Variants in ILRUN observed in about 807,000 individuals in gnomAD.
ILRUN encodes protein ILRUN.
A neutral mutation model predicts 33.8 loss-of-function variants in ILRUN; 3 were observed. The ratio of observed to expected loss-of-function variants is 0.09; its 90% CI spans 0.04 to 0.23. The LOEUF (loss-of-function observed/expected upper bound fraction) is 0.23, where lower values mean the gene tolerates loss of function less well. Ranked by LOEUF, ILRUN falls within the 10% of genes least tolerant of loss-of-function variation. The probability of loss-of-function intolerance (pLI) is 1.00; values close to 1 mark genes in which losing one functional copy is unlikely to be tolerated. For missense variants in ILRUN, 210 were observed against 375.1 expected, an observed-to-expected ratio of 0.56 and a Z score of 3.64; for synonymous variants, 124 against 138.9, an observed-to-expected ratio of 0.89 and a Z score of 0.75.
chr6:34,601,705 G>GC (rs774296206), intron 4 of ILRUN, among the ~76,000 whole-genome samples: 3 of 119,272 alleles, frequency 2.5e-5, no homozygotes, highest in African/African-American at 7.7e-5. Flanking sequence ...TCCAGTACCC[G>GC]CCCCCCCAAC....
chr6:34,604,983 T>C (rs898295572), intron 4 of ILRUN, among the ~76,000 whole-genome samples: 1 of 152,226 alleles, frequency 6.6e-6, no homozygotes, highest in Admixed American at 6.5e-5. Flanking sequence ...CCAGGTTTCT[T>C]AATTTGTCTC....
chr6:34,683,423 TATATAC>T (rs1360599194), intron 1 of ILRUN, among the ~76,000 whole-genome samples: 5 of 67,128 alleles, frequency 7.4e-5, no homozygotes, highest in African/African-American at 3.4e-4. Context: ...TATATACATA[TATATAC>T]ATATATATAT....
chr6:34,687,356 T>A (rs938558137), intron 1 of ILRUN, among the ~76,000 whole-genome samples: 1 of 152,086 alleles, frequency 6.6e-6, no homozygotes, highest in Non-Finnish European at 1.5e-5. Context: ...ATCAAAATCA[T>A]AATAAGGTAC....
chr6:34,677,234 G>C (rs1452179638), intron 1 of ILRUN, among the ~76,000 whole-genome samples: 2 of 152,074 alleles, frequency 1.3e-5, no homozygotes, highest in African/African-American at 4.8e-5. Flanking sequence ...TTGAACCCAG[G>C]AGGCGGAGGC....
At chr6:34,617,174 A>T (rs2744968) in intron 3 of ILRUN, 2 of 495,810 alleles carry the variant, frequency 4.0e-6, no homozygotes, top group East Asian at 5.4e-5. Context: ...AGTGGAATGA[A>T]GAAAAAACTA....
At chr6:34,677,947 CAAA>C (rs200840957) in intron 1 of ILRUN, among the ~76,000 whole-genome samples, 7 of 74,364 alleles carry the variant, frequency 9.4e-5, no homozygotes, top group African/African-American at 1.5e-4. Context: ...ATCCTGCCTC[CAAA>C]AAAAAAAAAA....
At chr6:34,673,758 T>C (rs1763165390) in intron 1 of ILRUN, among the ~76,000 whole-genome samples, 1 of 151,680 alleles carries the variant, frequency 6.6e-6, no homozygotes, top group African/African-American at 2.4e-5. Context: ...GCGCAGGAGG[T>C]CAAGGCTGCA....
At chr6:34,613,216 A>G in intron 3 of ILRUN, among the ~76,000 whole-genome samples, 1 of 150,272 alleles carries the variant, frequency 6.7e-6, no homozygotes, top group East Asian at 2.0e-4. Context: ...CCTGTCTCAA[A>G]AACAACAACA....
At chr6:34,609,061 C>T (rs1235265870) in intron 3 of ILRUN, among the ~76,000 whole-genome samples, 1 of 152,162 alleles carries the variant, frequency 6.6e-6, no homozygotes, top group Non-Finnish European at 1.5e-5. Context: ...CAAATGCATT[C>T]CATCAGTTAG....
At chr6:34,605,164 G>A (rs1334295162) in intron 4 of ILRUN, among the ~76,000 whole-genome samples, 1 of 152,002 alleles carries the variant, frequency 6.6e-6, no homozygotes, top group Non-Finnish European at 1.5e-5. Context: ...AAATTAGCTG[G>A]GCGTGGTGGC....
intron 1 of ILRUN, among the ~76,000 whole-genome samples, chr6:34,693,083 A>T (rs893314717): frequency 1.3e-5 from 2 of 152,130 alleles, no homozygotes; most frequent in African/African-American, 2.4e-5. Flanking sequence ...GTCTCAAAAA[A>T]ATAAAATAAA....
At position 34,657,826 on chromosome 6, in the gene ILRUN, C is replaced by T. The variant is rs191165861; in HGVS notation, c.159-3047G>A. On this transcript the variant is annotated intron_variant, in intron 1 of 4. Transcript: ENST00000374023. ...TAGCAGGTATTCCTGTTCAAAACAACATACTCAGCTATTATTAGCCAACAA... is the reference window on the plus strand; with the variant it reads ...TAGCAGGTATTCCTGTTCAAAACAATATACTCAGCTATTATTAGCCAACAA... Among the ~76,000 whole-genome samples, 9 of 152,314 alleles carry T rather than the reference C, an allele frequency of 5.9e-5. No individual in the cohort carries two copies. In the East Asian group the frequency reaches 1.7e-3, roughly 29 times the overall value.
chr6:34,662,069 G>C (rs1241445463), intron 1 of ILRUN, among the ~76,000 whole-genome samples: 1 of 145,020 alleles, frequency 6.9e-6, no homozygotes, highest in African/African-American at 2.5e-5. Flanking sequence ...AGCTTGCAGT[G>C]AGCCGAGATC....
At chr6:34,689,958 C>T (rs745751167) in intron 1 of ILRUN, among the ~76,000 whole-genome samples, 9 of 151,990 alleles carry the variant, frequency 5.9e-5, no homozygotes, top group Non-Finnish European at 1.3e-4. Flanking sequence ...AATACCACAA[C>T]TGCACAGCAG....
At chr6:34,631,738 G>C (rs560417342) in intron 3 of ILRUN, among the ~76,000 whole-genome samples, 6 of 152,308 alleles carry the variant, frequency 3.9e-5, no homozygotes, top group South Asian at 2.1e-4. Flanking sequence ...AGGGGCTGCA[G>C]GAAGGGAGGA....
chr6:34,651,111 G>A (rs1405692406), intron 2 of ILRUN, among the ~76,000 whole-genome samples: 1 of 152,124 alleles, frequency 6.6e-6, no homozygotes, highest in East Asian at 1.9e-4. Flanking sequence ...CTGATACTCA[G>A]TAACGGGTGG....
chr6:34,695,953 T>G (rs1759837712), intron 1 of ILRUN, among the ~76,000 whole-genome samples: 1 of 151,502 alleles, frequency 6.6e-6, no homozygotes, highest in Non-Finnish European at 1.5e-5. Context: ...TCCCAAGCTC[T>G]CCAGTGCTCA....
intron 1 of ILRUN, among the ~76,000 whole-genome samples, chr6:34,674,545 TGA>T (rs1582099803): frequency 6.6e-6 from 1 of 151,882 alleles, no homozygotes; most frequent in African/African-American, 2.4e-5. Flanking sequence ...TAAAAAAAAT[TGA>T]GAGAGAGGTA....
chr6:34,672,109 C>CA (rs1763129342), intron 1 of ILRUN, among the ~76,000 whole-genome samples: 1 of 146,782 alleles, frequency 6.8e-6, no homozygotes, highest in Non-Finnish European at 1.5e-5. Context: ...CTTCCACCCC[C>CA]TTTTTTTTTT....
Sources: allele counts gnomAD v4.1 joint callset (sites outside exome capture counted in the v4.1 genomes callset), GRCh38; gene constraint gnomAD v4.1.1; transcripts MANE v1.5; gene names NCBI Gene and HGNC (gene_info 2026-07-23, HGNC 2026-07-21).